SMURF1: variants seen among roughly 807,000 people sequenced by gnomAD.
SMURF1 encodes SMAD specific E3 ubiquitin protein ligase 1, also known as E3 ubiquitin-protein ligase SMURF1.
In SMURF1, 44 loss-of-function variants were observed where a neutral mutation model predicts 98.0. That is an observed-to-expected ratio of 0.45 (90% CI 0.35 to 0.58). The LOEUF is 0.58. SMURF1 is among the 20% of genes least tolerant of loss of function. SMURF1 has a pLI of 0.00. For synonymous variants in SMURF1, 396 were observed against 374.9 expected, an observed-to-expected ratio of 1.06 and a Z score of -0.65; for missense variants, 687 against 938.4, an observed-to-expected ratio of 0.73 and a Z score of 3.50.
chr7:99,073,454 T>C (rs866874133), intron 1 of SMURF1, among the ~76,000 whole-genome samples: 5 of 131,930 alleles, frequency 3.8e-5, no homozygotes, highest in Non-Finnish European at 8.4e-5. Flanking sequence ...ATTCATAAGA[T>C]CATTTAAAAC....
intron 5 of SMURF1, 107 bp downstream of exon 5, chr7:99,057,098 C>G: frequency 8.3e-7 from 1 of 1,203,984 alleles, no homozygotes; most frequent in Non-Finnish European, 1.2e-6. Flanking sequence ...GGTCTGTCCT[C>G]TGAGGCCCGT....
At chr7:99,125,057 T>TTTCATTCATTCA (rs56017007) in intron 1 of SMURF1, among the ~76,000 whole-genome samples, 23 of 149,666 alleles carry the variant, frequency 1.5e-4, no homozygotes, top group African/African-American at 5.2e-4. Flanking sequence ...CAATAAAAAT[T>TTTCATTCATTCA]TTCATTCATT....
chr7:99,111,195 A>G (rs890564663), intron 1 of SMURF1, among the ~76,000 whole-genome samples: 6 of 152,222 alleles, frequency 3.9e-5, no homozygotes, highest in African/African-American at 1.4e-4. Flanking sequence ...AAGGTCAATG[A>G]TACAAAAAGG....
chr7:99,059,047 G>A (rs1584467012), intron 3 of SMURF1, among the ~76,000 whole-genome samples: 2 of 152,114 alleles, frequency 1.3e-5, no homozygotes, highest in Non-Finnish European at 2.9e-5. Context: ...TTGCGCCACT[G>A]CGCTCCAGCC....
At chr7:99,109,868 G>A (rs1267809661) in intron 1 of SMURF1, among the ~76,000 whole-genome samples, 1 of 151,960 alleles carries the variant, frequency 6.6e-6, no homozygotes, top group Admixed American at 6.6e-5. Context: ...CTAATATCTC[G>A]CTTCATGGAC....
intron 1 of SMURF1, among the ~76,000 whole-genome samples, chr7:99,067,674 G>A (rs1469377367): frequency 1.3e-5 from 2 of 152,156 alleles, no homozygotes; most frequent in African/African-American, 2.4e-5. Flanking sequence ...ACTTGAGGTC[G>A]GGCGCAGTGG....
At chr7:99,049,835 A>G (rs1795701737) in intron 8 of SMURF1, 126 bp from the exon 9 acceptor site, 1 of 889,756 alleles carries the variant, frequency 1.1e-6, no homozygotes. Context: ...GCTAAGATGG[A>G]CCTTCGTGGT....
chr7:99,089,642 T>TAAAACAAAAC (rs59262301), intron 1 of SMURF1, among the ~76,000 whole-genome samples: 226 of 151,872 alleles, frequency 1.5e-3, no homozygotes, highest in African/African-American at 2.4e-3. Flanking sequence ...CCCTGTCTCT[T>TAAAACAAAAC]AAAACAAAAC....
chr7:99,122,812 A>G (rs1253590725), intron 1 of SMURF1, among the ~76,000 whole-genome samples: 7 of 142,912 alleles, frequency 4.9e-5, no homozygotes, highest in Non-Finnish European at 9.0e-5. Context: ...TCTTTTGGAC[A>G]ACCACTGGTG....
chr7:99,051,962 A>C (rs1048726389), intron 7 of SMURF1, among the ~76,000 whole-genome samples: 2 of 152,176 alleles, frequency 1.3e-5, no homozygotes, highest in Non-Finnish European at 2.9e-5. Flanking sequence ...AGCCTGGGCA[A>C]CATGGCGAGA....
rs1426818199 is a variant in SMURF1 at position 99,106,794 on chromosome 7, T to C, written c.55+36932A>G. Among the ~76,000 whole-genome samples the C allele has an allele frequency of 3.3e-5, 5 of 152,346 alleles. No homozygotes were observed. In the East Asian group the frequency reaches 9.6e-4, roughly 29 times the overall value. On this transcript the variant is annotated intron_variant, in intron 1 of 17. Coordinates refer to ENST00000361368, the MANE Select transcript of SMURF1 (RefSeq NM_181349.3). ...CCAGTGCCTTCTCCGACCTCTTTTT[T>C]TCCCCCTTCAGTTGGTTTTTCCCAA...
intron 15 of SMURF1, 182 bp from the exon 16 acceptor site, chr7:99,035,898 C>T (rs185359945): frequency 9.4e-5 from 59 of 629,010 alleles, no homozygotes; most frequent in Middle Eastern, 8.8e-4. Flanking sequence ...CACATGCTTC[C>T]GTCCGCCTCC....
chr7:99,134,524 G>A (rs1797943281), intron 1 of SMURF1, among the ~76,000 whole-genome samples: 1 of 151,796 alleles, frequency 6.6e-6, no homozygotes, highest in Non-Finnish European at 1.5e-5. Context: ...GACCTAAGAG[G>A]GGAAAAAAGC....
intron 1 of SMURF1, among the ~76,000 whole-genome samples, chr7:99,127,285 T>C (rs753128696): frequency 2.3e-4 from 35 of 152,100 alleles, no homozygotes; most frequent in Non-Finnish European, 3.8e-4. Context: ...AAAGCAAGTA[T>C]ACAACAATGC....
In SMURF1 at chr7:99,040,297, G is replaced by A. The variant is rs572813541; in HGVS notation, c.1550+81C>T. ...ACATCCCCAAAATACACACACACGC[G>A]CGCGCGCGCGCACGCGCATACATAC... On this transcript the variant is annotated intron_variant, in intron 13 of 17. Coordinates refer to ENST00000361368, the MANE Select transcript of SMURF1 (RefSeq NM_181349.3). 126 of 1,250,362 alleles carry A rather than the reference G, an allele frequency of 1.0e-4. 1 individual carries two copies. The East Asian group carries it at 2.1e-3, about 21-fold the overall frequency. The allele number at this position is 1,250,362 out of a possible 1,614,324, so 77.5% of individuals were successfully genotyped here.
chr7:99,139,535 C>G (rs1436158098), intron 1 of SMURF1, among the ~76,000 whole-genome samples: 1 of 152,136 alleles, frequency 6.6e-6, no homozygotes, highest in Non-Finnish European at 1.5e-5. Flanking sequence ...CATTCTTTTA[C>G]CCAAAGTGGC....
intron 16 of SMURF1, 81 bp downstream of exon 16, chr7:99,035,434 C>A: frequency 6.6e-7 from 1 of 1,513,152 alleles, no homozygotes; most frequent in Non-Finnish European, 9.1e-7. Flanking sequence ...CTCAGAAAAA[C>A]ATCCCAGCCA....
intron 1 of SMURF1, among the ~76,000 whole-genome samples, chr7:99,140,281 C>CTTTTT (rs11421940): frequency 3.0e-4 from 26 of 85,818 alleles, no homozygotes; most frequent in Non-Finnish European, 4.4e-4. Flanking sequence ...CTTCAGTATC[C>CTTTTT]TTTTTTTTTT....
intron 1 of SMURF1, among the ~76,000 whole-genome samples, chr7:99,083,010 T>C (rs1796602861): frequency 6.6e-6 from 1 of 152,182 alleles, no homozygotes; most frequent in South Asian, 2.1e-4. Context: ...TTTAAAATTT[T>C]TTTATTTTCA....
Sources: allele counts gnomAD v4.1 joint callset (sites outside exome capture counted in the v4.1 genomes callset), GRCh38; gene constraint gnomAD v4.1.1; transcripts MANE v1.5; gene names NCBI Gene and HGNC (gene_info 2026-07-23, HGNC 2026-07-21).